Variants in DIAPH2 observed in about 807,000 individuals in gnomAD.
DIAPH2 encodes diaphanous related formin 2.
Under a neutral mutation model 92.7 loss-of-function variants are expected in DIAPH2, and 35 were observed. The ratio of observed to expected loss-of-function variants is 0.38; its 90% confidence interval spans 0.29 to 0.50. The LOEUF is 0.50. Ranked by LOEUF, DIAPH2 falls within the 20% of genes least tolerant of loss-of-function variation. DIAPH2 has a pLI of 0.94. For missense variants in DIAPH2, 701 were observed against 819.5 expected (o/e 0.86, Z 1.77); for synonymous variants, 301 against 280.4 (o/e 1.07, Z -0.73).
At chrX:97,300,930 T>TCAAAAAAA (rs2068693109) in intron 23 of DIAPH2, among the ~76,000 whole-genome samples, 1 of 8,588 alleles carries the variant, frequency 1.2e-4, no homozygotes, top group Non-Finnish European at 2.0e-4. Context: ...AGACTCCGTC[T>TCAAAAAAA]TAAAAAAAAA....
intron 4 of DIAPH2, among the ~76,000 whole-genome samples, chrX:96,791,539 T>G (rs2147638208): frequency 9.3e-6 from 1 of 107,638 alleles, no homozygotes; most frequent in Admixed American, 1.0e-4. Flanking sequence ...CCTTTTTTTT[T>G]TTTTTTTGAG....
Position 97,274,433 on chromosome X carries a change from G to T in DIAPH2, c.2844+26594G>T, listed in dbSNP as rs1475009225. Among the ~76,000 whole-genome samples, 16 of 108,054 alleles carry T rather than the reference G, an allele frequency of 1.5e-4. No individual in the cohort carries two copies. The Admixed American group carries it at 1.6e-3, about 11-fold the overall frequency. The allele number at this position is 108,054 out of a possible 115,157, so 93.8% of individuals were successfully genotyped here. ...TGAGGCAGGAGAATTGCTTGAACCT[G>T]GGAGGCGGAGGTTGCAGTGAGCCGA... On this transcript the variant is annotated intron_variant, in intron 23 of 26. Coordinates refer to ENST00000324765, the MANE Select transcript of DIAPH2 (RefSeq NM_006729.5).
At chrX:97,446,298 T>A (rs2070309809) in intron 26 of DIAPH2, among the ~76,000 whole-genome samples, 1 of 112,068 alleles carries the variant, frequency 8.9e-6, no homozygotes, top group African/African-American at 3.2e-5. Context: ...ACAGTGCATA[T>A]TTATTTACAT....
At chrX:97,117,032 C>A (rs2067021452) in intron 21 of DIAPH2, among the ~76,000 whole-genome samples, 1 of 111,626 alleles carries the variant, frequency 9.0e-6, no homozygotes, top group East Asian at 2.8e-4. Context: ...AAAAAATAAT[C>A]TTGCGGGAAA....
chrX:96,810,473 G>C (rs1434734817), intron 4 of DIAPH2, among the ~76,000 whole-genome samples: 2 of 111,669 alleles, frequency 1.8e-5, no homozygotes, highest in Admixed American at 9.5e-5. Flanking sequence ...TAGGTTGCCT[G>C]TTCACTCTGA....
chrX:97,038,515 C>T (rs1380839852), intron 17 of DIAPH2, among the ~76,000 whole-genome samples: 1 of 108,307 alleles, frequency 9.2e-6, no homozygotes, highest in Non-Finnish European at 1.9e-5. Context: ...TCCATGCCAG[C>T]ATCTATTGTT....
At chrX:97,570,103 T>C (rs756715698) in intron 26 of DIAPH2, among the ~76,000 whole-genome samples, 1 of 31,852 alleles carries the variant, frequency 3.1e-5, no homozygotes, top group African/African-American at 9.5e-5. Flanking sequence ...TATATATATA[T>C]ATATATATAT....
At chrX:96,705,130 C>T (rs1300620028) in intron 1 of DIAPH2, among the ~76,000 whole-genome samples, 17 of 110,149 alleles carry the variant, frequency 1.5e-4, no homozygotes, top group African/African-American at 5.0e-4. Context: ...CATGCCACTA[C>T]GCCCGGCTAA....
At chrX:97,295,513 A>C (rs1423764363) in intron 23 of DIAPH2, among the ~76,000 whole-genome samples, 2 of 111,549 alleles carry the variant, frequency 1.8e-5, no homozygotes, top group African/African-American at 6.5e-5. Context: ...CCAGGCCTTT[A>C]ACATTTCATC....
In DIAPH2 at chrX:97,099,789, A is replaced by T. The variant is rs2066894420; in HGVS notation, c.2343A>T (p.Gly781=). 3 of 1,151,001 alleles carry T rather than the reference A, an allele frequency of 2.6e-6. No homozygotes were observed. In the South Asian group the frequency reaches 6.4e-5, roughly 25 times the overall value. 94.9% of individuals were successfully genotyped at this position (1,151,001 alleles called of 1,213,427 possible). The change falls in exon 20 of 27, where the codon GGA becomes GGT. Residue 781 remains glycine (G), a synonymous_variant. Transcript: ENST00000324765. ...ACCTCTGTGAGCCTGAACAATTTGG[A>T]GTTGTGGTATGTATCCAACATGAGG... The part of the protein sequence containing the change: ...YDDLCEPEQF[G]VVMSSVKMLQ...
rs185522231 is a variant in DIAPH2, at chrX:97,399,514, G to A, written c.3145+15470G>A. Among the ~76,000 whole-genome samples, 8 of 112,068 alleles carry A rather than the reference G, an allele frequency of 7.1e-5. No individual in the cohort carries two copies. The East Asian group carries it at 2.2e-3, about 31-fold the overall frequency. On this transcript the variant is annotated intron_variant, in intron 25 of 26. Transcript: ENST00000324765. ...CTGTAAAACCATTTGGATTTTTCGA[G>A]TTGATACATTTTTATCATTCTGCTG...
At chrX:96,985,683 C>T (rs1162058236) in intron 17 of DIAPH2, among the ~76,000 whole-genome samples, 1 of 111,103 alleles carries the variant, frequency 9.0e-6, no homozygotes, top group Non-Finnish European at 1.9e-5. Flanking sequence ...TTATTCCCTA[C>T]CATCTACCCT....
chrX:97,326,274 G>T (rs180923706), intron 23 of DIAPH2, among the ~76,000 whole-genome samples: 1 of 112,018 alleles, frequency 8.9e-6, no homozygotes, highest in East Asian at 2.8e-4. Context: ...GATTCACAGT[G>T]GGTAGCATAT....
intron 26 of DIAPH2, among the ~76,000 whole-genome samples, chrX:97,494,436 C>G (rs2070745077): frequency 8.9e-6 from 1 of 111,952 alleles, no homozygotes; most frequent in Non-Finnish European, 1.9e-5. Context: ...ACTGAGCTTC[C>G]TTAAGATGAT....
At chrX:96,716,699 G>A (rs1396252415) in intron 1 of DIAPH2, among the ~76,000 whole-genome samples, 2 of 111,302 alleles carry the variant, frequency 1.8e-5, no homozygotes, top group African/African-American at 3.3e-5. Context: ...AAGAGTTGCC[G>A]TAGAATTGAT....
intron 1 of DIAPH2, among the ~76,000 whole-genome samples, chrX:96,690,984 T>A (rs1359703343): frequency 8.9e-6 from 1 of 111,975 alleles, no homozygotes; most frequent in Non-Finnish European, 1.9e-5. Context: ...GTTATTCAAT[T>A]TTTCTTCTTT....
chrX:97,586,537 T>A (rs1272315397), intron 26 of DIAPH2, among the ~76,000 whole-genome samples: 3 of 111,961 alleles, frequency 2.7e-5, no homozygotes, highest in Admixed American at 1.9e-4. Context: ...AAGCCCAATC[T>A]GTGTTCTAAC....
chrX:97,540,534 T>G (rs1012220078), intron 26 of DIAPH2, among the ~76,000 whole-genome samples: 8 of 112,554 alleles, frequency 7.1e-5, no homozygotes, highest in African/African-American at 2.3e-4. Flanking sequence ...TTGCTGAGAT[T>G]AAGTGAAGTC....
rs141650244 is a variant in DIAPH2, at chrX:97,567,691, T to G, written c.3242-31562T>G. ...GGTCCTTCCCTTGTTCCATTGTGCC[T>G]TTTAAGTGGCTAGTCTCAGTGTGTT... On this transcript the variant is annotated intron_variant, in intron 26 of 26. Transcript: ENST00000324765. Among the ~76,000 whole-genome samples the G allele has an allele frequency of 5.7e-3, 642 of 111,792 alleles. 2 individuals are homozygous for G. Among genetic ancestry groups the G allele is most frequent in the African/African-American group, 0.02 (610 of 30,739 alleles).
Sources: gnomAD v4.1 joint callset for allele counts (sites outside exome capture counted in the v4.1 genomes callset) on GRCh38, gnomAD v4.1.1 for gene constraint, MANE v1.5 for transcripts, NCBI Gene and HGNC (gene_info 2026-07-23, HGNC 2026-07-21) for gene names.